Variants in MYOCD observed in about 807,000 individuals in gnomAD.
The protein encoded by MYOCD is myocardin.
A neutral mutation model predicts 96.1 loss-of-function variants in MYOCD; 32 were observed. That is an observed-to-expected ratio of 0.33 (90% CI 0.25 to 0.45). The LOEUF (loss-of-function observed/expected upper bound fraction) is 0.45, where lower values mean the gene tolerates loss of function less well. Ranked by LOEUF, MYOCD falls within the 20% of genes least tolerant of loss-of-function variation. The probability of loss-of-function intolerance (pLI) is 1.00; values close to 1 mark genes in which losing one functional copy is unlikely to be tolerated. For synonymous variants in MYOCD, 469 were observed against 469.0 expected, an observed-to-expected ratio of 1.00 and a Z score of 0.00; for missense variants, 1,133 against 1,200.6, an observed-to-expected ratio of 0.94 and a Z score of 0.83.
intron 4 of MYOCD, among the ~76,000 whole-genome samples, 161 bp downstream of exon 4, chr17:12,717,582 A>G (rs2031688518): frequency 6.6e-6 from 1 of 152,234 alleles, no homozygotes; most frequent in Non-Finnish European, 1.5e-5. Context: ...TAGGCCACGT[A>G]GATACCCAAG....
rs75841939 is a variant in MYOCD, at chr17:12,745,095, A to G, written c.971+659A>G. On this transcript the variant is annotated intron_variant, in intron 8 of 13. Coordinates refer to ENST00000425538, the MANE Select transcript of MYOCD (RefSeq NM_001146312.3). ...GCAATTCCGATGCCCTTCTGCTTTT[A>G]GAAGGAACAGGGCTGAGCAGCTGAC... 7.5e-3 allele frequency among the ~76,000 whole-genome samples: 1,148 copies of G among 152,346 alleles called. 17 individuals are homozygous for G. The highest frequency in any genetic ancestry group is 0.038 in the East Asian group (196 of 5,188).
At chr17:12,737,678 T>C (rs961133856) in intron 6 of MYOCD, among the ~76,000 whole-genome samples, 1 of 152,188 alleles carries the variant, frequency 6.6e-6, no homozygotes, top group Non-Finnish European at 1.5e-5. Context: ...AATTGTGCAA[T>C]GAACTGAAAT....
chr17:12,726,012 A>G (rs1332371983), intron 5 of MYOCD, among the ~76,000 whole-genome samples: 1 of 152,132 alleles, frequency 6.6e-6, no homozygotes, highest in African/African-American at 2.4e-5. Context: ...TCTGTCATAA[A>G]TTTGGTTCTA....
In MYOCD at chr17:12,758,232, C is replaced by A. The variant is rs542414082; in HGVS notation, c.2331+19C>A. 1.1e-5 allele frequency: 17 copies of A among 1,613,964 alleles called. No individual in the cohort carries two copies. The Admixed American group carries it at 1.7e-4, about 16-fold the overall frequency. On this transcript the variant is annotated intron_variant, in intron 12 of 13. Coordinates refer to ENST00000425538, the MANE Select transcript of MYOCD (RefSeq NM_001146312.3). ...AAAGCAGGTAACCATGTGATTTGTT[C>A]TTTATGGAAGAATAGACTGACTCAA...
At chr17:12,754,898 T>C (rs1420560524) in intron 10 of MYOCD, among the ~76,000 whole-genome samples, 1 of 152,160 alleles carries the variant, frequency 6.6e-6, no homozygotes. Flanking sequence ...TATTTGTCAT[T>C]GAGGAAAATG....
At chr17:12,713,718 G>C (rs1002875288) in intron 2 of MYOCD, among the ~76,000 whole-genome samples, 2 of 152,102 alleles carry the variant, frequency 1.3e-5, no homozygotes, top group African/African-American at 4.8e-5. Flanking sequence ...AAAGGGAGTT[G>C]CTTTGCAGAA....
At chr17:12,700,485 C>T (rs956084596) in intron 1 of MYOCD, among the ~76,000 whole-genome samples, 6 of 134,402 alleles carry the variant, frequency 4.5e-5, no homozygotes, top group Admixed American at 3.4e-4. Flanking sequence ...GCGATCTCAG[C>T]TTACTGCAAG....
At chr17:12,747,035 ATTT>A (rs5819385) in intron 9 of MYOCD, among the ~76,000 whole-genome samples, 9,662 of 148,858 alleles carry the variant, frequency 0.065, 368 homozygotes, top group Middle Eastern at 0.12. Flanking sequence ...GCCCCTACCA[ATTT>A]TTTTTTTTTT....
chr17:12,676,094 A>C (rs1910020698), intron 1 of MYOCD, among the ~76,000 whole-genome samples: 1 of 152,194 alleles, frequency 6.6e-6, no homozygotes, highest in Non-Finnish European at 1.5e-5. Flanking sequence ...GGAAAAAAAA[A>C]CGTATCTGTA....
At chr17:12,734,798 C>G (rs989693691) in intron 5 of MYOCD, among the ~76,000 whole-genome samples, 1 of 152,214 alleles carries the variant, frequency 6.6e-6, no homozygotes, top group East Asian at 1.9e-4. Flanking sequence ...CATGAGCCAC[C>G]GTGCCCAGCC....
At chr17:12,732,239 G>C (rs1597789704) in intron 5 of MYOCD, among the ~76,000 whole-genome samples, 1 of 152,074 alleles carries the variant, frequency 6.6e-6, no homozygotes, top group African/African-American at 2.4e-5. Flanking sequence ...CTCTCCAGGG[G>C]TTGGCTCCTA....
intron 1 of MYOCD, among the ~76,000 whole-genome samples, chr17:12,696,984 A>G (rs8076744): frequency 0.29 from 44,418 of 151,934 alleles, 6,873 homozygotes; most frequent in African/African-American, 0.37. Context: ...GCAATCTATA[A>G]GGCCCATCGC....
intron 1 of MYOCD, among the ~76,000 whole-genome samples, chr17:12,672,995 A>G (rs906017814): frequency 6.6e-6 from 1 of 152,176 alleles, no homozygotes; most frequent in African/African-American, 2.4e-5. Flanking sequence ...GAAAGCATCA[A>G]ATTAGTTGTT....
chr17:12,694,280 C>G (rs1164293833), intron 1 of MYOCD, among the ~76,000 whole-genome samples: 1 of 152,148 alleles, frequency 6.6e-6, no homozygotes, highest in Admixed American at 6.5e-5. Context: ...AGGGGCCAAG[C>G]AAAAGCTGCA....
intron 2 of MYOCD, among the ~76,000 whole-genome samples, chr17:12,708,140 T>C (rs528604381): frequency 6.6e-6 from 1 of 152,278 alleles, no homozygotes; most frequent in African/African-American, 2.4e-5. Context: ...TCCCTGTTTG[T>C]CTTTAATGTT....
At chr17:12,724,786 C>T (rs1039495254) in intron 5 of MYOCD, among the ~76,000 whole-genome samples, 4 of 151,992 alleles carry the variant, frequency 2.6e-5, no homozygotes, top group Admixed American at 2.6e-4. Flanking sequence ...ATCTATTTTA[C>T]AATTTGTGTT....
chr17:12,767,447 T>C lies in MYOCD; in HGVS notation c.*3803T>C, dbSNP rs552266725. The C allele has an allele frequency of 4.3e-4, 65 of 152,340 alleles. No individual in the cohort carries two copies. The highest frequency in any genetic ancestry group is 1.4e-3 in the African/African-American group (58 of 41,572). 9.4% of individuals were successfully genotyped at this position (152,340 alleles called of 1,614,324 possible). A position where few individuals can be genotyped will look rare whatever the true frequency, so the allele number is the denominator to read the frequency against. ...AAATTTACTCATCCAGTGGCTAATA[T>C]TTAATGCCCACCATGGGCAGAGCAC... On this transcript the variant is annotated 3_prime_UTR_variant, in exon 14 of 14. Transcript: ENST00000425538.
intron 13 of MYOCD, chr17:12,762,068 T>A (rs1164072712): frequency 6.6e-6 from 1 of 152,242 alleles, no homozygotes; most frequent in East Asian, 1.9e-4. Flanking sequence ...ACAGCTGGGT[T>A]GTTTTGCAGT....
intron 1 of MYOCD, among the ~76,000 whole-genome samples, chr17:12,700,251 T>A (rs1401937937): frequency 1.3e-5 from 2 of 151,972 alleles, no homozygotes; most frequent in Non-Finnish European, 1.5e-5. Context: ...CCCAAACTCT[T>A]CTAATTCTTT....
Sources: allele counts gnomAD v4.1 joint callset (sites outside exome capture counted in the v4.1 genomes callset), GRCh38; gene constraint gnomAD v4.1.1; transcripts MANE v1.5; gene names NCBI Gene and HGNC (gene_info 2026-07-23, HGNC 2026-07-21).